Variants in RYR3 observed in about 807,000 individuals in gnomAD.
RYR3 encodes the protein ryanodine receptor 3, also known as brain ryanodine receptor-calcium release channel.
RYR3 carries 207 observed loss-of-function variants against 584.3 expected under a neutral mutation model. The ratio of observed to expected loss-of-function variants is 0.35; its 90% CI spans 0.32 to 0.40. The LOEUF (loss-of-function observed/expected upper bound fraction) is 0.40. Among genes scored for constraint, RYR3 ranks in the 10% least tolerant of loss-of-function variants. RYR3 has a pLI of 1.00. For synonymous variants in RYR3, 2,416 were observed against 2,248.5 expected, an observed-to-expected ratio of 1.07 and a Z score of -2.11; for missense variants, 5,616 against 6,089.2, an observed-to-expected ratio of 0.92 and a Z score of 2.59.
At chr15:33,508,014 T>G (rs2052624416) in intron 3 of RYR3, among the ~76,000 whole-genome samples, 2 of 152,146 alleles carry the variant, frequency 1.3e-5, no homozygotes, top group Admixed American at 1.3e-4. Flanking sequence ...GCTACACAAC[T>G]AGGTGCATGT....
intron 34 of RYR3, among the ~76,000 whole-genome samples, chr15:33,660,833 C>G (rs1335464171): frequency 6.6e-6 from 1 of 152,196 alleles, no homozygotes; most frequent in Non-Finnish European, 1.5e-5. Flanking sequence ...CCATTGCTCT[C>G]TCTTTCTGGC....
chr15:33,725,976 CAAAAAAA>C (rs61503360), intron 45 of RYR3, among the ~76,000 whole-genome samples: 1 of 31,516 alleles, frequency 3.2e-5, no homozygotes. Flanking sequence ...TCCCCCCCCC[CAAAAAAA>C]AAAAAAAAAA....
chr15:33,474,862 T>C (rs1278254372), intron 2 of RYR3, among the ~76,000 whole-genome samples: 1 of 152,192 alleles, frequency 6.6e-6, no homozygotes, highest in African/African-American at 2.4e-5. Flanking sequence ...AGAAGCCTTC[T>C]TGTACTTCTC....
chr15:33,455,660 G>A (rs1480646328), intron 1 of RYR3, among the ~76,000 whole-genome samples: 1 of 152,142 alleles, frequency 6.6e-6, no homozygotes, highest in Admixed American at 6.5e-5. Flanking sequence ...TTGGCTGCAG[G>A]AACAGACAAT....
intron 1 of RYR3, among the ~76,000 whole-genome samples, chr15:33,436,658 G>A (rs1205654416): frequency 5.6e-5 from 8 of 144,038 alleles, no homozygotes; most frequent in Admixed American, 2.0e-4. Context: ...CTGCCACCAC[G>A]CCAGGCTAAT....
intron 2 of RYR3, among the ~76,000 whole-genome samples, chr15:33,489,080 T>C (rs1027619994): frequency 6.6e-5 from 10 of 152,196 alleles, no homozygotes; most frequent in African/African-American, 2.4e-4. Context: ...TAAAATGTTA[T>C]GCAAAATGAC....
chr15:33,815,283 A>G (rs1361716622), intron 74 of RYR3: 1 of 152,206 alleles, frequency 6.6e-6, no homozygotes, highest in Non-Finnish European at 1.5e-5. Flanking sequence ...TAGAAAAAGC[A>G]AAAGTGCATA....
At position 33,311,671 on chromosome 15, in the gene RYR3, A is replaced by G. The variant is rs1967321362; in HGVS notation, c.51+575A>G. 6.6e-6 allele frequency among the ~76,000 whole-genome samples: 1 copy of G among 152,172 alleles called. No individual in the cohort carries two copies. The highest frequency in any genetic ancestry group is 6.5e-5 in the Admixed American group (1 of 15,280). ...CACCCAGCGCTGCCCCTCTCGTGTT[A>G]AGCCCCACGCCGGCAACTGCTGCTG... On this transcript the variant is annotated intron_variant, in intron 1 of 103. Coordinates refer to ENST00000634891, the MANE Select transcript of RYR3 (RefSeq NM_001036.6). This position sits in a 1 kb window ranked among gnomAD's most constrained non-coding sequence, Gnocchi z 4.4.
At chr15:33,575,630 T>C (rs999280388) in intron 12 of RYR3, among the ~76,000 whole-genome samples, 18 of 151,882 alleles carry the variant, frequency 1.2e-4, no homozygotes, top group African/African-American at 4.4e-4. Flanking sequence ...AAGAGGGAAG[T>C]TTATAGCACT....
At chr15:33,731,390 C>A in intron 47 of RYR3, 84 bp from the exon 48 acceptor site, 1 of 933,800 alleles carries the variant, frequency 1.1e-6, no homozygotes, top group Admixed American at 2.0e-5. Flanking sequence ...GCTCCCACAG[C>A]TTGCTACATG....
At chr15:33,678,200 G>T (rs1218280020) in intron 38 of RYR3, among the ~76,000 whole-genome samples, 1 of 152,146 alleles carries the variant, frequency 6.6e-6, no homozygotes, top group African/African-American at 2.4e-5. Flanking sequence ...ATATGGTTTG[G>T]CTCTGTGTCC....
chr15:33,813,244 T>C (rs2076640530), intron 73 of RYR3, among the ~76,000 whole-genome samples: 1 of 152,174 alleles, frequency 6.6e-6, no homozygotes, highest in Non-Finnish European at 1.5e-5. Flanking sequence ...TCCACTACTG[T>C]TAGTTAAGCT....
intron 1 of RYR3, among the ~76,000 whole-genome samples, chr15:33,382,940 TAA>T (rs34888698): frequency 4.0e-5 from 6 of 150,572 alleles, no homozygotes; most frequent in Non-Finnish European, 7.4e-5. Flanking sequence ...TTATCATGAC[TAA>T]AAAAAAAATT....
chr15:33,317,631 T>C (rs1026438893), intron 1 of RYR3, among the ~76,000 whole-genome samples: 1 of 152,172 alleles, frequency 6.6e-6, no homozygotes, highest in Non-Finnish European at 1.5e-5. Context: ...ATGAGCCTCT[T>C]GAGATGCCAA....
intron 43 of RYR3, among the ~76,000 whole-genome samples, chr15:33,714,014 A>G (rs2067310312): frequency 6.6e-6 from 1 of 152,170 alleles, no homozygotes; most frequent in South Asian, 2.1e-4. Context: ...AGTGGATACA[A>G]TTATCTTCAT....
In RYR3 at chr15:33,660,187, C is replaced by T. The variant is rs78825800; in HGVS notation, c.4396-10C>T. ...TGTTTCTTTTCCAATGCCTTTCCCA[C>T]GTGCCCCAGAACGCAATGCCCCTGT... On this transcript the variant is annotated splice_polypyrimidine_tract_variant and intron_variant, in intron 33 of 103. Coordinates refer to ENST00000634891, the MANE Select transcript of RYR3 (RefSeq NM_001036.6). 10,954 of 1,540,164 alleles carry T rather than the reference C, an allele frequency of 7.1e-3. 401 individuals carry two copies. The Admixed American group carries it at 0.093, about 13-fold the overall frequency.
intron 30 of RYR3, 135 bp downstream of exon 30, chr15:33,647,595 A>G (rs1056999005): frequency 1.6e-6 from 1 of 641,888 alleles, no homozygotes; most frequent in Non-Finnish European, 2.7e-6. Context: ...ATCCATCTTG[A>G]TGCTTCCAGA....
At chr15:33,810,711 G>A (rs986440349) in intron 71 of RYR3, 62 bp downstream of exon 71, 64 of 1,599,806 alleles carry the variant, frequency 4.0e-5, no homozygotes, top group Non-Finnish European at 5.1e-5. Flanking sequence ...TAAGCATTCA[G>A]CCCCTGAAGG....
At chr15:33,791,781 G>GT (rs1374587394) in intron 67 of RYR3, among the ~76,000 whole-genome samples, 1 of 152,188 alleles carries the variant, frequency 6.6e-6, no homozygotes, top group Non-Finnish European at 1.5e-5. Flanking sequence ...AAGGGTATAT[G>GT]TAAGGAGGTA....
Sources: allele counts gnomAD v4.1 joint callset (sites outside exome capture counted in the v4.1 genomes callset), GRCh38; gene constraint gnomAD v4.1.1; non-coding constraint Gnocchi (gnomAD v3.1); transcripts MANE v1.5; gene names NCBI Gene and HGNC (gene_info 2026-07-23, HGNC 2026-07-21).